Variants in CD226 observed in about 807,000 individuals in gnomAD.
CD226 encodes CD226 antigen.
In CD226, 24 loss-of-function variants were observed where a neutral mutation model predicts 34.9. That is an observed-to-expected ratio of 0.69 (90% CI 0.50 to 0.97). The LOEUF (loss-of-function observed/expected upper bound fraction) is 0.97. Among genes scored for constraint, CD226 ranks in the 50% least tolerant of loss-of-function variants. CD226 has a pLI of 0.00. For missense variants in CD226, 397 were observed against 412.7 expected, an observed-to-expected ratio of 0.96 and a Z score of 0.33; for synonymous variants, 148 against 147.4, an observed-to-expected ratio of 1.00 and a Z score of -0.03.
intron 2 of CD226, among the ~76,000 whole-genome samples, chr18:69,945,461 A>G (rs542151944): frequency 3.9e-5 from 6 of 152,332 alleles, no homozygotes; most frequent in African/African-American, 1.4e-4. Flanking sequence ...TGGTAGATAA[A>G]GCAAAAAACA....
At chr18:69,899,674 A>C (rs1158539811) in intron 2 of CD226, among the ~76,000 whole-genome samples, 1 of 152,262 alleles carries the variant, frequency 6.6e-6, no homozygotes, top group Non-Finnish European at 1.5e-5. Context: ...AGCATATGAC[A>C]AAAAGCTCAA....
At position 69,896,060 on chromosome 18, in the gene CD226, C is replaced by T; in HGVS notation, c.383-15G>A. On this transcript the variant is annotated splice_polypyrimidine_tract_variant and intron_variant, in intron 2 of 5. Transcript: ENST00000582621. ...CTCAAAACTATCTGAAAAGAAGAAGCAAATGATTAGATACAGGTTGTCAAA... is the reference window on the plus strand; with the variant it reads ...CTCAAAACTATCTGAAAAGAAGAAGTAAATGATTAGATACAGGTTGTCAAA... The T allele has an allele frequency of 6.3e-7, 1 of 1,597,288 alleles. No homozygotes were observed. Among genetic ancestry groups the T allele is most frequent in the South Asian group, 1.1e-5 (1 of 90,710 alleles).
At chr18:69,961,591 C>T (rs745952585), upstream of CD226, 2 of 152,212 alleles carry the variant, frequency 1.3e-5, no homozygotes, top group African/African-American at 4.8e-5. Context: ...CTGGTTCTTA[C>T]CTGGTTTTAG....
intron 3 of CD226, among the ~76,000 whole-genome samples, chr18:69,890,622 A>G (rs999929775): frequency 1.3e-5 from 2 of 152,194 alleles, no homozygotes; most frequent in African/African-American, 4.8e-5. Flanking sequence ...GACGGCTGAA[A>G]CTCTATAGGA....
At chr18:69,923,508 CTCTA>C (rs1459540692) in intron 2 of CD226, among the ~76,000 whole-genome samples, 1 of 152,186 alleles carries the variant, frequency 6.6e-6, no homozygotes, top group East Asian at 1.9e-4. Context: ...CTATCACCTT[CTCTA>C]TCTGAGAACT....
At chr18:69,897,634 A>G (rs1234963439) in intron 2 of CD226, among the ~76,000 whole-genome samples, 1 of 152,168 alleles carries the variant, frequency 6.6e-6, no homozygotes, top group Non-Finnish European at 1.5e-5. Context: ...AAATAGAGAA[A>G]GAGAGAAAGG....
At chr18:69,960,265 A>G (rs2055923685), upstream of CD226, among the ~76,000 whole-genome samples, 1 of 150,656 alleles carries the variant, frequency 6.6e-6, no homozygotes, top group African/African-American at 2.4e-5. Context: ...AAAAGAAAAG[A>G]AAAAGAAAAT....
chr18:69,886,108 G>A (rs951820697), intron 3 of CD226, among the ~76,000 whole-genome samples: 5 of 152,062 alleles, frequency 3.3e-5, no homozygotes, highest in Non-Finnish European at 5.9e-5. Context: ...GTAGTGCTGG[G>A]GCCAAGAATA....
intron 2 of CD226, among the ~76,000 whole-genome samples, chr18:69,941,860 C>T (rs919671016): frequency 4.6e-5 from 7 of 152,014 alleles, no homozygotes; most frequent in Admixed American, 3.9e-4. Flanking sequence ...TTGGCTGTTT[C>T]CCCACCCAAA....
intron 2 of CD226, among the ~76,000 whole-genome samples, chr18:69,915,611 T>C (rs1469278321): frequency 6.6e-6 from 1 of 152,222 alleles, no homozygotes; most frequent in Non-Finnish European, 1.5e-5. Flanking sequence ...TTGAAATATT[T>C]AAGCTCAGTG....
At chr18:69,895,572 T>A in intron 3 of CD226, 129 bp downstream of exon 3, 1 of 699,988 alleles carries the variant, frequency 1.4e-6, no homozygotes, top group East Asian at 2.5e-5. Flanking sequence ...TCACCTAAAT[T>A]CAGCCATTTA....
At chr18:69,943,493 C>T (rs76412554) in intron 2 of CD226, among the ~76,000 whole-genome samples, 1,887 of 152,302 alleles carry the variant, frequency 0.012, 39 homozygotes, top group African/African-American at 0.043. Flanking sequence ...CTGGAAAGAA[C>T]ACATATTTTC....
chr18:69,887,527 T>C (rs947850883), intron 3 of CD226, among the ~76,000 whole-genome samples: 1 of 152,204 alleles, frequency 6.6e-6, no homozygotes, highest in Non-Finnish European at 1.5e-5. Context: ...TGAAATCTTC[T>C]CAACTCAGCA....
chr18:69,907,400 T>C lies in CD226; in HGVS notation c.383-11355A>G, dbSNP rs568185999. 3.3e-5 allele frequency among the ~76,000 whole-genome samples: 5 copies of C among 152,300 alleles called. No homozygotes were observed. In the South Asian group the frequency reaches 1.0e-3, roughly 32 times the overall value. ...GATGGTATCTTGACTCAGCACCTCC[T>C]GGGTTCAAGCAATTCTGCTGCCTCA... On this transcript the variant is annotated intron_variant, in intron 2 of 5. Coordinates refer to ENST00000582621, the MANE Select transcript of CD226 (RefSeq NM_001303618.2).
At chr18:69,872,363 A>G (rs1983588982) in intron 4 of CD226, among the ~76,000 whole-genome samples, 1 of 152,160 alleles carries the variant, frequency 6.6e-6, no homozygotes, top group Admixed American at 6.5e-5. Flanking sequence ...AAACTCAGCC[A>G]AGAATATCCT....
chr18:69,926,655 T>C (rs1227854919), intron 2 of CD226, among the ~76,000 whole-genome samples: 3 of 152,188 alleles, frequency 2.0e-5, no homozygotes, highest in Non-Finnish European at 4.4e-5. Context: ...TCAGGGAACA[T>C]GGAAAGGGAA....
At position 69,946,891 on chromosome 18, in the gene CD226, A is replaced by T; in HGVS notation, c.225T>A (p.Tyr75Ter). The T allele has an allele frequency of 6.2e-7, 1 of 1,614,156 alleles. No individual in the cohort carries two copies. Among genetic ancestry groups the T allele is most frequent in the Non-Finnish European group, 8.5e-7 (1 of 1,180,008 alleles). Reference protein sequence around the residue: ...PTHGMVIRKPYAERVYFLNST... With the variant: ...PTHGMVIRKP The stretch of plus-strand genomic sequence containing the variant: ...AATTCAAAAAGTAAACCCTCTCAGC[A>T]TAGGGCTTCCTTATGACCATGCCAT... Residue 75 changes from tyrosine to a stop codon, truncating the protein, a stop_gained, in exon 2 of 6, where the codon TAT (tyrosine) becomes TAA (stop). Transcript: ENST00000582621. LOFTEE classifies it high-confidence loss of function.
rs192190185 is a variant in CD226, at chr18:69,886,193, C to T, written c.727+9508G>A. The stretch of plus-strand genomic sequence containing the variant: ...ATTAGTTACCAAGCCTGAGATAAGT[C>T]CCGTCAACTCTCCATACCTCACTTT... On this transcript the variant is annotated intron_variant, in intron 3 of 5. Coordinates refer to ENST00000582621, the MANE Select transcript of CD226 (RefSeq NM_001303618.2). Among the ~76,000 whole-genome samples, 4 of 152,272 alleles carry T rather than the reference C, an allele frequency of 2.6e-5. No homozygotes were observed. In the East Asian group the frequency reaches 7.7e-4, roughly 29 times the overall value.
Position 69,919,783 on chromosome 18 carries a change from G to C in CD226, c.383-23738C>G, listed in dbSNP as rs192713497. On this transcript the variant is annotated intron_variant, in intron 2 of 5. Coordinates refer to ENST00000582621, the MANE Select transcript of CD226 (RefSeq NM_001303618.2). ...TACTGAACAGTACCAAACACCGAAT[G>C]AGGATTTTTTAAATGAAGTTATTTC... 2.0e-4 allele frequency among the ~76,000 whole-genome samples: 30 copies of C among 152,098 alleles called. 1 individual carries two copies. The East Asian group carries it at 5.8e-3, about 29-fold the overall frequency.
Sources: allele counts gnomAD v4.1 joint callset (sites outside exome capture counted in the v4.1 genomes callset), GRCh38; gene constraint gnomAD v4.1.1; transcripts MANE v1.5; gene names NCBI Gene and HGNC (gene_info 2026-07-23, HGNC 2026-07-21).